RUFY2: variants seen among roughly 807,000 people sequenced by gnomAD.
The protein encoded by RUFY2 is RUN and FYVE domain-containing protein 2.
A neutral mutation model predicts 94.4 loss-of-function variants in RUFY2; 49 were observed. The ratio of observed to expected loss-of-function variants is 0.52; its 90% CI spans 0.41 to 0.66. RUFY2 has a LOEUF of 0.66. Ranked by LOEUF, RUFY2 falls within the 30% of genes least tolerant of loss-of-function variation. The pLI is 0.00. For synonymous variants in RUFY2, 255 were observed against 235.7 expected (o/e 1.08, Z -0.75); for missense variants, 541 against 692.8 (o/e 0.78, Z 2.46).
chr10:68,383,001 C>T (rs1046304305), intron 10 of RUFY2, among the ~76,000 whole-genome samples: 1 of 152,170 alleles, frequency 6.6e-6, no homozygotes, highest in African/African-American at 2.4e-5. Flanking sequence ...CATTCATTCA[C>T]AATCATATAC....
chr10:68,394,866 T>C (rs1174275968), intron 4 of RUFY2, among the ~76,000 whole-genome samples: 3 of 151,794 alleles, frequency 2.0e-5, no homozygotes, highest in Non-Finnish European at 2.9e-5. Flanking sequence ...CCTGACCTCA[T>C]GGTCCGCGGG....
At chr10:68,395,573 G>A (rs980803104) in intron 4 of RUFY2, among the ~76,000 whole-genome samples, 1 of 152,114 alleles carries the variant, frequency 6.6e-6, no homozygotes, top group Admixed American at 6.6e-5. Context: ...AATCTTAATA[G>A]ATAATCATCA....
At chr10:68,377,547 T>A in intron 12 of RUFY2, 2 of 985,432 alleles carry the variant, frequency 2.0e-6, no homozygotes, top group Non-Finnish European at 1.2e-6. Context: ...TGCATATATG[T>A]TTAAGATTCA....
chr10:68,402,436 A>C (rs929356429), intron 2 of RUFY2, among the ~76,000 whole-genome samples: 1 of 152,162 alleles, frequency 6.6e-6, no homozygotes, highest in African/African-American at 2.4e-5. Flanking sequence ...AGGACACCCA[A>C]GATAGGCAAT....
At position 68,401,615 on chromosome 10, in the gene RUFY2, C is replaced by T; in HGVS notation, c.296+5G>A. 6.3e-7 allele frequency: 1 copy of T among 1,575,208 alleles called. No individual in the cohort carries two copies. Among genetic ancestry groups the T allele is most frequent in the South Asian group, 1.1e-5 (1 of 90,256 alleles). On this transcript the variant is annotated splice_donor_5th_base_variant and intron_variant, in intron 3 of 17. Transcript: ENST00000602465. The stretch of plus-strand genomic sequence containing the variant: ...TAGGGATGAACAAGTAATAGGCCTC[C>T]TTACTTCAGACCAGGTAGATCCCGG...
intron 10 of RUFY2, among the ~76,000 whole-genome samples, chr10:68,382,257 C>G (rs2132805657): frequency 6.6e-6 from 1 of 151,152 alleles, no homozygotes; most frequent in Middle Eastern, 3.4e-3. Flanking sequence ...AGGGTTTCAC[C>G]ATGTTAGCCA....
intron 15 of RUFY2, among the ~76,000 whole-genome samples, chr10:68,357,475 C>T (rs140902765): frequency 0.011 from 1,625 of 151,912 alleles, 29 homozygotes; most frequent in African/African-American, 0.037. Context: ...GTGATCCACC[C>T]GCCGCCTCGG....
chr10:68,397,199 A>G (rs1308333017), intron 3 of RUFY2, among the ~76,000 whole-genome samples: 2 of 152,164 alleles, frequency 1.3e-5, no homozygotes, highest in African/African-American at 2.4e-5. Context: ...GCAAACCTAG[A>G]TGGTATACAC....
Position 68,344,879 on chromosome 10 carries a change from G to A in RUFY2, c.*889C>T, listed in dbSNP as rs2046188510. 1 of 152,114 alleles carries A rather than the reference G, an allele frequency of 6.6e-6. No individual in the cohort carries two copies. The highest frequency in any genetic ancestry group is 2.1e-4 in the South Asian group (1 of 4,822). The allele number at this position is 152,114 out of a possible 1,614,324, so 9.4% of individuals were successfully genotyped here. On this transcript the variant is annotated 3_prime_UTR_variant, in exon 18 of 18. Coordinates refer to ENST00000602465, the MANE Select transcript of RUFY2 (RefSeq NM_001330103.2). ...AACTGAACTCTAATACATTACCAAA[G>A]CAAAGTCCTGATTTTTTTCTCACTT... is the stretch of plus-strand genomic sequence containing the variant.
intron 13 of RUFY2, among the ~76,000 whole-genome samples, chr10:68,366,818 T>C (rs1243964282): frequency 1.4e-5 from 2 of 140,764 alleles, no homozygotes; most frequent in Non-Finnish European, 3.0e-5. Context: ...TATAATGTTA[T>C]ATGGTATATA....
chr10:68,389,408 T>C (rs943237564), intron 7 of RUFY2, among the ~76,000 whole-genome samples: 1 of 150,820 alleles, frequency 6.6e-6, no homozygotes, highest in Non-Finnish European at 1.5e-5. Flanking sequence ...CTAGCCAATA[T>C]GGTGAAACCC....
intron 13 of RUFY2, among the ~76,000 whole-genome samples, chr10:68,371,418 T>A (rs1320298987): frequency 1.4e-5 from 2 of 147,164 alleles, no homozygotes; most frequent in African/African-American, 2.5e-5. Context: ...TGAGACTCCA[T>A]CTCAAAAAAA....
chr10:68,350,858 A>C (rs186023449), intron 16 of RUFY2, among the ~76,000 whole-genome samples: 6 of 151,874 alleles, frequency 4.0e-5, no homozygotes, highest in Non-Finnish European at 7.4e-5. Flanking sequence ...GGTTACAGGC[A>C]TGCACCACTA....
chr10:68,361,098 A>G (rs1305188770), intron 15 of RUFY2, among the ~76,000 whole-genome samples: 2 of 152,002 alleles, frequency 1.3e-5, no homozygotes, highest in African/African-American at 4.8e-5. Context: ...ACTGGCCAAC[A>G]TGGTAAAACG....
At chr10:68,386,522 G>T (rs976750693) in intron 7 of RUFY2, among the ~76,000 whole-genome samples, 3 of 152,018 alleles carry the variant, frequency 2.0e-5, no homozygotes, top group South Asian at 4.1e-4. Flanking sequence ...GCTAATTTTT[G>T]TATTTTTAGT....
chr10:68,351,124 T>A (rs962458134), intron 16 of RUFY2, among the ~76,000 whole-genome samples: 41 of 3,682 alleles, frequency 0.011, no homozygotes, highest in East Asian at 0.12. Flanking sequence ...ATCCATACAT[T>A]TTTTTTTTTT....
chr10:68,407,181 C>A lies in RUFY2; in HGVS notation c.4+5G>T. ...TAGCGTTCGGTTTCGGCCCGCTCGC[C>A]TTACCCATGGCGGCGGCGGCTGCGC... On this transcript the variant is annotated splice_donor_5th_base_variant and intron_variant, in intron 1 of 17. Coordinates refer to ENST00000602465, the MANE Select transcript of RUFY2 (RefSeq NM_001330103.2). 6.9e-7 allele frequency: 1 copy of A among 1,440,104 alleles called. No homozygotes were observed. The highest frequency in any genetic ancestry group is 3.2e-5 in the Admixed American group (1 of 31,458). The allele number at this position is 1,440,104 out of a possible 1,614,324, so 89.2% of individuals were successfully genotyped here. A position where few individuals can be genotyped will look rare whatever the true frequency, so the allele number is the denominator to read the frequency against.
chr10:68,364,881 G>A (rs1483486786), intron 13 of RUFY2, among the ~76,000 whole-genome samples: 1 of 151,346 alleles, frequency 6.6e-6, no homozygotes, highest in African/African-American at 2.4e-5. Flanking sequence ...GTGCTAGCTG[G>A]CAAAGCAAAC....
intron 3 of RUFY2, among the ~76,000 whole-genome samples, chr10:68,398,107 A>G (rs1442742708): frequency 6.8e-6 from 1 of 147,952 alleles, no homozygotes; most frequent in Non-Finnish European, 1.5e-5. Flanking sequence ...AGCCTGGGCA[A>G]CAAGGTAAGA....
Sources: gnomAD v4.1 joint callset for allele counts (sites outside exome capture counted in the v4.1 genomes callset) on GRCh38, gnomAD v4.1.1 for gene constraint, MANE v1.5 for transcripts, NCBI Gene and HGNC (gene_info 2026-07-23, HGNC 2026-07-21) for gene names.